NOD1: variants seen among roughly 807,000 people sequenced by gnomAD.
NOD1 encodes nucleotide-binding oligomerization domain-containing protein 1.
NOD1 carries 70 observed loss-of-function variants against 81.2 expected under a neutral mutation model. The observed-to-expected ratio is 0.86, with a 90% CI of 0.71 to 1.05. The LOEUF is 1.05. Among genes scored for constraint, NOD1 ranks in the 50% least tolerant of loss-of-function variants. NOD1 has a pLI of 0.00. For synonymous variants in NOD1, 508 were observed against 526.9 expected, an observed-to-expected ratio of 0.96 and a Z score of 0.49; for missense variants, 1,233 against 1,228.0, an observed-to-expected ratio of 1.00 and a Z score of -0.06.
intron 1 of NOD1, among the ~76,000 whole-genome samples, chr7:30,473,754 C>A (rs1476714606): frequency 6.6e-6 from 1 of 152,072 alleles, no homozygotes; most frequent in Non-Finnish European, 1.5e-5. Flanking sequence ...AGGAGATGGG[C>A]ATCAGGAGGT....
intron 13 of NOD1, among the ~76,000 whole-genome samples, chr7:30,426,767 C>T (rs1024167376): frequency 2.0e-5 from 3 of 152,134 alleles, no homozygotes; most frequent in African/African-American, 7.2e-5. Context: ...GGCACAGCAG[C>T]TTCTGGCAGT....
intron 1 of NOD1, among the ~76,000 whole-genome samples, chr7:30,461,138 A>T (rs1246717417): frequency 1.3e-5 from 2 of 152,174 alleles, no homozygotes; most frequent in Non-Finnish European, 2.9e-5. Flanking sequence ...ATTCTAATAC[A>T]CTCAAAATAT....
intron 13 of NOD1, among the ~76,000 whole-genome samples, chr7:30,426,973 C>T (rs1038272591): frequency 3.3e-5 from 5 of 152,184 alleles, no homozygotes; most frequent in Non-Finnish European, 5.9e-5. Flanking sequence ...TGATAGTACC[C>T]ATCACAGTTG....
At position 30,468,198 on chromosome 7, in the gene NOD1, A is replaced by G. The variant is rs532604241; in HGVS notation, c.-351-8157T>C. Among the ~76,000 whole-genome samples the G allele has an allele frequency of 1.1e-4, 16 of 152,352 alleles. No individual in the cohort carries two copies. In the East Asian group the frequency reaches 1.9e-3, roughly 18 times the overall value. On this transcript the variant is annotated intron_variant, in intron 1 of 13. Transcript: ENST00000222823. ...GAAATACCATATTGAAGAAATGCTC[A>G]ATGGTTGCCAAACGTTTCATTTCCT...
intron 12 of NOD1, among the ~76,000 whole-genome samples, chr7:30,432,802 C>T (rs985111266): frequency 1.1e-4 from 16 of 152,152 alleles, no homozygotes; most frequent in Non-Finnish European, 2.4e-4. Context: ...TCACATATTG[C>T]TTGATTCCAT....
rs1788511317 is a variant in NOD1, at chr7:30,473,791, C to G, written c.-352+4815G>C. Among the ~76,000 whole-genome samples the G allele has an allele frequency of 2.6e-5, 4 of 152,174 alleles. No homozygotes were observed. In the South Asian group the frequency reaches 8.3e-4, roughly 32 times the overall value. Reference sequence around the variant, plus strand: ...GGTAGAATAAGCAGGGGTGGGGGTACTCACTGAGCAGCTGGGGCAGTGGTT... The same window carrying G: ...GGTAGAATAAGCAGGGGTGGGGGTAGTCACTGAGCAGCTGGGGCAGTGGTT... On this transcript the variant is annotated intron_variant, in intron 1 of 13. Transcript: ENST00000222823.
rs6960726 is a variant in NOD1 at position 30,457,009 on chromosome 7, C to T, written c.-88G>A. The stretch of plus-strand genomic sequence containing the variant: ...AGAAGGGCAATCAGGATTCAGGCCG[C>T]GCCCTCCAGGGCCCCTGCTACTCTG... On this transcript the variant is annotated 5_prime_UTR_variant, in exon 4 of 14. Transcript: ENST00000222823. 1,302 of 1,118,700 alleles carry T rather than the reference C, an allele frequency of 1.2e-3. 9 individuals are homozygous for T. The African/African-American group carries it at 0.017, about 15-fold the overall frequency. The allele number at this position is 1,118,700 out of a possible 1,614,324, so 69.3% of individuals were successfully genotyped here.
At chr7:30,446,671 G>A (rs541998830) in intron 8 of NOD1, 10 of 413,192 alleles carry the variant, frequency 2.4e-5, no homozygotes, top group East Asian at 1.4e-4. Flanking sequence ...CTTGCAACCC[G>A]ACAGGAAACT....
intron 11 of NOD1, 127 bp downstream of exon 11, chr7:30,435,871 T>A: frequency 1.4e-6 from 1 of 722,650 alleles, no homozygotes; most frequent in Non-Finnish European, 2.3e-6. Flanking sequence ...GGCGGGAGGT[T>A]CGAATGAGCC....
chr7:30,441,124 A>G (rs1784847627), intron 9 of NOD1, among the ~76,000 whole-genome samples: 1 of 55,560 alleles, frequency 1.8e-5, no homozygotes, highest in South Asian at 1.0e-3. Flanking sequence ...CATGGAAAGG[A>G]ACAACCGGTA....
Position 30,448,351 on chromosome 7 carries a change from CCCA to C in NOD1, c.2229_2231del (p.Gly744del), listed in dbSNP as rs1247426795. 1 of 1,614,072 alleles carries C rather than the reference CCCA, an allele frequency of 6.2e-7. No homozygotes were observed. Among genetic ancestry groups the C allele is most frequent in the East Asian group, 2.2e-5 (1 of 44,898 alleles). ...TCAGCTCTTCGCTTAGCACCTTTAC[CCCA>C]CCGTCAGTGATCTGGTTTACGCTGA... On this transcript the variant is annotated inframe_deletion, in exon 7 of 14. Coordinates refer to ENST00000222823, the MANE Select transcript of NOD1 (RefSeq NM_006092.4).
At chr7:30,455,068 A>C (rs748829094) in intron 5 of NOD1, 69 bp downstream of exon 5, 1 of 1,501,840 alleles carries the variant, frequency 6.7e-7, no homozygotes, top group East Asian at 2.3e-5. Flanking sequence ...GGGCTGGCCC[A>C]GCCATTACCA....
At chr7:30,462,948 CAAAA>C (rs11313806) in intron 1 of NOD1, among the ~76,000 whole-genome samples, 1 of 101,324 alleles carries the variant, frequency 9.9e-6, no homozygotes. Context: ...GACTCCATCT[CAAAA>C]AAAAAAAAAA....
intron 10 of NOD1, among the ~76,000 whole-genome samples, chr7:30,436,747 T>G (rs1311697009): frequency 1.3e-5 from 2 of 152,210 alleles, no homozygotes; most frequent in Non-Finnish European, 2.9e-5. Context: ...GTCCTCTGTC[T>G]TGATGGGGGT....
At chr7:30,434,679 G>A (rs1784239084) in intron 11 of NOD1, among the ~76,000 whole-genome samples, 2 of 152,188 alleles carry the variant, frequency 1.3e-5, no homozygotes, top group African/African-American at 2.4e-5. Context: ...AACTTTAGGA[G>A]GTACTTTCAT....
chr7:30,464,077 T>C (rs1030628312), intron 1 of NOD1: 1 of 152,194 alleles, frequency 6.6e-6, no homozygotes, highest in Non-Finnish European at 1.5e-5. Flanking sequence ...AAGCAGAATG[T>C]TTTGCTTTCC....
intron 12 of NOD1, among the ~76,000 whole-genome samples, chr7:30,430,520 C>T (rs537603833): frequency 5.9e-5 from 9 of 152,184 alleles, no homozygotes; most frequent in Non-Finnish European, 1.3e-4. Flanking sequence ...AAGCCCTTAC[C>T]AGGAAGACGA....
chr7:30,457,559 T>A (rs997857174), intron 3 of NOD1, among the ~76,000 whole-genome samples: 15 of 152,228 alleles, frequency 9.9e-5, no homozygotes, highest in Non-Finnish European at 1.5e-4. Flanking sequence ...CCAACTCTTT[T>A]TTATTTTTAA....
intron 1 of NOD1, among the ~76,000 whole-genome samples, chr7:30,460,917 A>G (rs1230827054): frequency 6.6e-6 from 1 of 152,210 alleles, no homozygotes; most frequent in Non-Finnish European, 1.5e-5. Context: ...AGGTCTGCAG[A>G]GCCTCCAGGA....
Sources: allele counts gnomAD v4.1 joint callset (sites outside exome capture counted in the v4.1 genomes callset), GRCh38; gene constraint gnomAD v4.1.1; transcripts MANE v1.5; gene names NCBI Gene and HGNC (gene_info 2026-07-23, HGNC 2026-07-21).